The following RAB7B variants were observed in gnomAD, a reference collection of about 807,000 sequenced individuals.
The protein encoded by RAB7B is RAB7B, member RAS oncogene family, also known as ras-related protein Rab-7b.
rs1002895942 is a variant in RAB7B, at chr1:205,989,032, C to T, written c.397-3367G>A. Among the ~76,000 whole-genome samples the T allele has an allele frequency of 1.2e-3, 183 of 152,142 alleles. 8 individuals are homozygous for T. The South Asian group carries it at 0.038, about 31-fold the overall frequency. ...CCACGTCCTGTCCTGATTTCACTGT[C>T]GCTCAGTGCCTCCTCCCCTCCCCTA... On this transcript the variant is annotated intron_variant, in intron 4 of 5. Transcript: ENST00000617070.
rs1303741627 is a variant in RAB7B at position 205,994,231 on chromosome 1, C to T, written c.-16-80G>A. ...TCACTGAGTGTGGCCTCTGCTTTCC[C>T]CTTTCCAATGGGCAAGTTACTGCCC... On this transcript the variant is annotated intron_variant, in intron 1 of 5. Coordinates refer to ENST00000617070, the MANE Select transcript of RAB7B (RefSeq NM_001164522.3). 24 of 397,400 alleles carry T rather than the reference C, an allele frequency of 6.0e-5. No individual in the cohort carries two copies. In the Admixed American group the frequency reaches 1.0e-3, roughly 17 times the overall value. 24.6% of individuals were successfully genotyped at this position (397,400 alleles called of 1,614,324 possible).
Position 205,986,003 on chromosome 1 carries a change from C to T in RAB7B, c.397-338G>A, listed in dbSNP as rs1036238629. On this transcript the variant is annotated intron_variant, in intron 4 of 5. Transcript: ENST00000617070. ...GGCTGAGCAGGATTTGAACACAGGC[C>T]TGGCGGAATTACAGCCCACTGCACT... Among the ~76,000 whole-genome samples, 343 of 152,376 alleles carry T rather than the reference C, an allele frequency of 2.3e-3. 3 individuals carry two copies. The highest frequency in any genetic ancestry group is 4.4e-3 in the African/African-American group (181 of 41,592).
intron 1 of RAB7B, among the ~76,000 whole-genome samples, chr1:205,995,286 G>A (rs1364834169): frequency 2.0e-5 from 3 of 151,868 alleles, no homozygotes; most frequent in Admixed American, 6.6e-5. Flanking sequence ...AACAGAAGAT[G>A]GTAAACTGTA....
chr1:205,998,676 G>C (rs1361672789), intron 1 of RAB7B, among the ~76,000 whole-genome samples: 2 of 152,246 alleles, frequency 1.3e-5, no homozygotes, highest in African/African-American at 4.8e-5. Context: ...CCATGCAGCA[G>C]GGCTGGAGTA....
intron 4 of RAB7B, among the ~76,000 whole-genome samples, chr1:205,989,418 T>G (rs1048444539): frequency 8.1e-4 from 124 of 152,192 alleles, no homozygotes; most frequent in African/African-American, 2.6e-3. Flanking sequence ...CCACCCGCCC[T>G]CCTCACCTTG....
chr1:205,989,632 C>A (rs1660682689), intron 4 of RAB7B, among the ~76,000 whole-genome samples: 1 of 152,090 alleles, frequency 6.6e-6, no homozygotes, highest in Non-Finnish European at 1.5e-5. Context: ...CCCCCTCAGG[C>A]CCTTCCTCCT....
At chr1:205,990,980 C>T (rs1660712857) in intron 4 of RAB7B, among the ~76,000 whole-genome samples, 2 of 151,902 alleles carry the variant, frequency 1.3e-5, no homozygotes, top group Admixed American at 6.6e-5. Context: ...ACCATGTTGG[C>T]CAGTCTGGTC....
At chr1:205,988,173 G>A (rs993840255) in intron 4 of RAB7B, among the ~76,000 whole-genome samples, 3 of 149,794 alleles carry the variant, frequency 2.0e-5, no homozygotes, top group Non-Finnish European at 4.4e-5. Flanking sequence ...TTATAAATAT[G>A]TGTGTATATA....
chr1:205,998,349 C>T (rs1218466963), intron 1 of RAB7B, among the ~76,000 whole-genome samples: 2 of 152,120 alleles, frequency 1.3e-5, no homozygotes, highest in Non-Finnish European at 2.9e-5. Flanking sequence ...GAGCAAGACT[C>T]GGTCTCAAAC....
At chr1:205,999,419 A>G (rs1660856666) in intron 1 of RAB7B, among the ~76,000 whole-genome samples, 1 of 152,248 alleles carries the variant, frequency 6.6e-6, no homozygotes, top group Non-Finnish European at 1.5e-5. Flanking sequence ...ATTTCAAAAT[A>G]CCATTTATTT....
intron 1 of RAB7B, among the ~76,000 whole-genome samples, chr1:206,001,277 C>CT (rs1263017651): frequency 0.22 from 31,201 of 144,880 alleles, 3,362 homozygotes; most frequent in African/African-American, 0.25. Context: ...CAGTAGCCGT[C>CT]TTTTTTTTTT....
intron 5 of RAB7B, among the ~76,000 whole-genome samples, chr1:205,985,066 A>C (rs1660565700): frequency 6.6e-6 from 1 of 152,086 alleles, no homozygotes; most frequent in African/African-American, 2.4e-5. Flanking sequence ...CCTGCCACAC[A>C]CTCAACACAT....
Position 205,989,092 on chromosome 1 carries a change from G to C in RAB7B, c.396+3388C>G, listed in dbSNP as rs982633190. Among the ~76,000 whole-genome samples, 43 of 151,562 alleles carry C rather than the reference G, an allele frequency of 2.8e-4. No homozygotes were observed. In the East Asian group the frequency reaches 7.6e-3, roughly 27 times the overall value. On this transcript the variant is annotated intron_variant, in intron 4 of 5. Coordinates refer to ENST00000617070, the MANE Select transcript of RAB7B (RefSeq NM_001164522.3). ...ACCTCCCTACAAACCCCTTCCCTGG[G>C]CCTACCTTGTTGAGAGACAGGCTCC...
chr1:205,992,633 G>A lies in RAB7B; in HGVS notation c.243C>T (p.Ser81=), dbSNP rs1660742356. 5.0e-6 allele frequency: 2 copies of A among 398,650 alleles called. No individual in the cohort carries two copies. The highest frequency in any genetic ancestry group is 1.3e-4 in the South Asian group (1 of 7,862). The allele number at this position is 398,650 out of a possible 1,614,324, so 24.7% of individuals were successfully genotyped here. A position where few individuals can be genotyped will look rare whatever the true frequency, so the allele number is the denominator to read the frequency against. The change falls in exon 4 of 6, where the codon TCC becomes TCT. Residue 81 remains serine (S), a synonymous_variant. Coordinates refer to ENST00000617070, the MANE Select transcript of RAB7B (RefSeq NM_001164522.3). ...CATCAAAAGCTAGGATGCAGCCATC[G>A]GAGCCCTTGTAGAACGTGGACACCA... The part of the protein sequence containing the change: ...RSMVSTFYKG[S]DGCILAFDVT...
chr1:205,993,797 G>C (rs898212909), intron 2 of RAB7B, among the ~76,000 whole-genome samples: 5 of 152,216 alleles, frequency 3.3e-5, no homozygotes, highest in Admixed American at 2.6e-4. Flanking sequence ...GTGGTGGTCA[G>C]GTTTTTTCTG....
chr1:205,996,173 TGTG>T (rs1660810610), intron 1 of RAB7B, among the ~76,000 whole-genome samples: 1 of 150,238 alleles, frequency 6.7e-6, no homozygotes, highest in Non-Finnish European at 1.5e-5. Context: ...TGTGTGTGTG[TGTG>T]TGTGTGTTTA....
At chr1:205,982,288 C>A (rs2102631625) in intron 5 of RAB7B, among the ~76,000 whole-genome samples, 1 of 152,322 alleles carries the variant, frequency 6.6e-6, no homozygotes, top group Non-Finnish European at 1.5e-5. Flanking sequence ...GGTCATCAGC[C>A]TAAACTGCTC....
At chr1:206,001,402 C>T (rs1660888606) in intron 1 of RAB7B, among the ~76,000 whole-genome samples, 1 of 151,962 alleles carries the variant, frequency 6.6e-6, no homozygotes, top group Non-Finnish European at 1.5e-5. Flanking sequence ...TAATGTGTAT[C>T]ATTAAGGAAT....
chr1:205,983,088 A>G (rs1660524835), intron 5 of RAB7B, among the ~76,000 whole-genome samples: 3 of 152,166 alleles, frequency 2.0e-5, no homozygotes, highest in Admixed American at 6.5e-5. Context: ...GGCCTGTGGT[A>G]TGGCATCTGC....
Sources: gnomAD v4.1 joint callset for allele counts (sites outside exome capture counted in the v4.1 genomes callset) on GRCh38, gnomAD v4.1.1 for gene constraint, MANE v1.5 for transcripts, NCBI Gene and HGNC (gene_info 2026-07-23, HGNC 2026-07-21) for gene names.